The following SLC35F3 variants were observed in gnomAD, a reference collection of about 807,000 sequenced individuals.
SLC35F3 encodes solute carrier family 35 member F3.
In SLC35F3, 25 loss-of-function variants were observed where a neutral mutation model predicts 49.9. The ratio of observed to expected loss-of-function variants is 0.50; its 90% CI spans 0.37 to 0.70. The LOEUF is 0.70. SLC35F3 is among the 30% of genes least tolerant of loss of function. SLC35F3 has a pLI of 0.00. For synonymous variants in SLC35F3, 275 were observed against 265.4 expected (o/e 1.04, Z -0.35); for missense variants, 525 against 639.8 (o/e 0.82, Z 1.94).
chr1:234,111,539 C>T (rs562187097), intron 2 of SLC35F3, among the ~76,000 whole-genome samples: 9 of 152,328 alleles, frequency 5.9e-5, no homozygotes, highest in Non-Finnish European at 1.0e-4. Flanking sequence ...GTCATCCGCC[C>T]GCCTCGGCTT....
intron 2 of SLC35F3, among the ~76,000 whole-genome samples, chr1:234,228,733 G>C (rs1219408653): frequency 6.6e-6 from 1 of 152,148 alleles, no homozygotes; most frequent in Non-Finnish European, 1.5e-5. Flanking sequence ...TGAGAGGGGT[G>C]TGTGTATGTG....
intron 2 of SLC35F3, among the ~76,000 whole-genome samples, chr1:234,159,411 T>C (rs1329952203): frequency 2.0e-5 from 3 of 152,054 alleles, no homozygotes; most frequent in Non-Finnish European, 2.9e-5. Context: ...ACGCCGTCTC[T>C]ACCAAAAATA....
At chr1:233,940,515 A>G (rs566706754) in intron 2 of SLC35F3, among the ~76,000 whole-genome samples, 72 of 152,334 alleles carry the variant, frequency 4.7e-4, no homozygotes, top group African/African-American at 1.7e-3. Context: ...GCACTTTGCC[A>G]CAATCAACAT....
chr1:234,127,719 A>G (rs1665669862), intron 2 of SLC35F3, among the ~76,000 whole-genome samples: 2 of 150,670 alleles, frequency 1.3e-5, no homozygotes, highest in Admixed American at 1.3e-4. Context: ...TATTAAAAAT[A>G]TGATGAGATT....
intron 3 of SLC35F3, among the ~76,000 whole-genome samples, chr1:234,244,441 G>T (rs1667600279): frequency 6.6e-6 from 1 of 152,098 alleles, no homozygotes; most frequent in Non-Finnish European, 1.5e-5. Flanking sequence ...CACAATCAGA[G>T]TAGACTTGCT....
chr1:234,039,427 C>T (rs971688722), intron 2 of SLC35F3, among the ~76,000 whole-genome samples: 1 of 152,108 alleles, frequency 6.6e-6, no homozygotes, highest in Non-Finnish European at 1.5e-5. Flanking sequence ...CTATGGGAGT[C>T]CCAAGGAACA....
intron 4 of SLC35F3, 116 bp from the exon 5 acceptor site, chr1:234,316,486 A>T (rs1184969676): frequency 1.5e-6 from 2 of 1,345,466 alleles, no homozygotes; most frequent in Non-Finnish European, 2.0e-6. Context: ...AAAAGGAGAC[A>T]CCACTTTCCC....
At chr1:233,912,700 A>G (rs1661901196) in intron 2 of SLC35F3, among the ~76,000 whole-genome samples, 1 of 152,214 alleles carries the variant, frequency 6.6e-6, no homozygotes, top group African/African-American at 2.4e-5. Context: ...CAGCGTGGAT[A>G]CGCTGGACAA....
chr1:234,281,671 G>A (rs76665507), intron 3 of SLC35F3, among the ~76,000 whole-genome samples: 4,948 of 152,306 alleles, frequency 0.032, 107 homozygotes, highest in Non-Finnish European at 0.052. Context: ...AGGCAGCTCA[G>A]TTTTGTTCTT....
At chr1:234,266,096 GTGTT>G (rs1411892871) in intron 3 of SLC35F3, among the ~76,000 whole-genome samples, 3 of 152,138 alleles carry the variant, frequency 2.0e-5, no homozygotes, top group African/African-American at 4.8e-5. Flanking sequence ...TACTCTATAT[GTGTT>G]TGTTTGCTCT....
intron 2 of SLC35F3, among the ~76,000 whole-genome samples, chr1:234,084,745 A>G (rs976585146): frequency 6.6e-6 from 1 of 152,210 alleles, no homozygotes; most frequent in Non-Finnish European, 1.5e-5. Context: ...CAAAGAAGTC[A>G]GGTGGGAAGT....
chr1:233,996,241 A>G (rs1205442638), intron 2 of SLC35F3, among the ~76,000 whole-genome samples: 1 of 152,154 alleles, frequency 6.6e-6, no homozygotes, highest in Non-Finnish European at 1.5e-5. Context: ...TATAACAGCT[A>G]TTTACATAGC....
At chr1:234,015,846 C>T (rs550740511) in intron 2 of SLC35F3, among the ~76,000 whole-genome samples, 1 of 152,120 alleles carries the variant, frequency 6.6e-6, no homozygotes, top group Non-Finnish European at 1.5e-5. Context: ...GCAAAGGAAA[C>T]AATAAAGTGA....
At chr1:234,129,929 C>A (rs1455153188) in intron 2 of SLC35F3, among the ~76,000 whole-genome samples, 2 of 152,034 alleles carry the variant, frequency 1.3e-5, no homozygotes, top group African/African-American at 2.4e-5. Context: ...ATTCACAGAC[C>A]TAAACATAAA....
At chr1:234,089,600 C>A (rs1031250755) in intron 2 of SLC35F3, among the ~76,000 whole-genome samples, 2 of 152,166 alleles carry the variant, frequency 1.3e-5, no homozygotes, top group Non-Finnish European at 2.9e-5. Context: ...ACAGAAAGCA[C>A]ATGAGCAGGG....
At chr1:234,061,937 C>T (rs969856811) in intron 2 of SLC35F3, among the ~76,000 whole-genome samples, 3 of 152,040 alleles carry the variant, frequency 2.0e-5, no homozygotes, top group Admixed American at 2.0e-4. Flanking sequence ...TGAAACTTTG[C>T]CTTTTAAATA....
chr1:233,923,759 A>G (rs1333973542), intron 2 of SLC35F3, among the ~76,000 whole-genome samples: 1 of 152,214 alleles, frequency 6.6e-6, no homozygotes, highest in Non-Finnish European at 1.5e-5. Flanking sequence ...GTTTTTGCCC[A>G]TTTAGTATGA....
chr1:234,292,087 G>C (rs1282723604), intron 3 of SLC35F3, among the ~76,000 whole-genome samples: 1 of 152,204 alleles, frequency 6.6e-6, no homozygotes, highest in Non-Finnish European at 1.5e-5. Flanking sequence ...TGGAGTGAGG[G>C]AGCAGAGATT....
intron 2 of SLC35F3, among the ~76,000 whole-genome samples, chr1:234,000,695 C>T (rs1663537456): frequency 6.6e-6 from 1 of 152,114 alleles, no homozygotes; most frequent in South Asian, 2.1e-4. Context: ...TGTAAAAATC[C>T]AGCTGTTTTT....
Sources: gnomAD v4.1 joint callset for allele counts (sites outside exome capture counted in the v4.1 genomes callset) on GRCh38, gnomAD v4.1.1 for gene constraint, MANE v1.5 for transcripts, NCBI Gene and HGNC (gene_info 2026-07-23, HGNC 2026-07-21) for gene names.